PLCB1: variants seen among roughly 807,000 people sequenced by gnomAD.
The protein encoded by PLCB1 is phospholipase C beta 1, also known as 1-phosphatidylinositol 4,5-bisphosphate phosphodiesterase beta-1.
PLCB1 carries 46 observed loss-of-function variants against 161.8 expected under a neutral mutation model. That is an observed-to-expected ratio of 0.28 (90% confidence interval 0.22 to 0.36). PLCB1 has a LOEUF of 0.36. Among genes scored for constraint, PLCB1 ranks in the 10% least tolerant of loss-of-function variants. The pLI, the probability that PLCB1 is intolerant of heterozygous loss-of-function variation, is 1.00. For missense variants in PLCB1, 1,016 were observed against 1,472.5 expected (o/e 0.69, Z 5.07); for synonymous variants, 517 against 503.7 (o/e 1.03, Z -0.35).
rs8117945 is a variant in PLCB1 at position 8,553,820 on chromosome 20, G to A, written c.247-74474G>A. ...GTTCAAGACCATCCTAGCCAACGTG[G>A]TGAAACCCTGTCTCTACTAAAAATC... On this transcript the variant is annotated intron_variant, in intron 3 of 31. Coordinates refer to ENST00000338037, the MANE Select transcript of PLCB1 (RefSeq NM_015192.4). 4.4e-3 allele frequency among the ~76,000 whole-genome samples: 673 copies of A among 152,080 alleles called. 8 individuals carry two copies. The highest frequency in any genetic ancestry group is 0.014 in the African/African-American group (586 of 41,490).
intron 3 of PLCB1, among the ~76,000 whole-genome samples, chr20:8,547,008 C>A (rs1985577155): frequency 6.6e-6 from 1 of 152,126 alleles, no homozygotes. Flanking sequence ...CAAGGCTTGG[C>A]ATTAGTTAAC....
chr20:8,682,310 G>C (rs1207081823), intron 9 of PLCB1, among the ~76,000 whole-genome samples: 1 of 151,986 alleles, frequency 6.6e-6, no homozygotes, highest in Admixed American at 6.6e-5. Flanking sequence ...AGACCAGCCT[G>C]GGGAACATAG....
Position 8,225,114 on chromosome 20 carries a change from A to G in PLCB1, c.177+74743A>G, listed in dbSNP as rs537197281. On this transcript the variant is annotated intron_variant, in intron 2 of 31. Coordinates refer to ENST00000338037, the MANE Select transcript of PLCB1 (RefSeq NM_015192.4). Reference sequence around the variant, plus strand: ...CAAGGCAATGGATTATTTTCCCCAAACATCCTATCATTTCATCCATGAATA... The same window carrying G: ...CAAGGCAATGGATTATTTTCCCCAAGCATCCTATCATTTCATCCATGAATA... Among the ~76,000 whole-genome samples, 25 of 152,308 alleles carry G rather than the reference A, an allele frequency of 1.6e-4. No individual in the cohort carries two copies. In the South Asian group the frequency reaches 4.8e-3, roughly 29 times the overall value.
At chr20:8,292,249 T>G (rs183371766) in intron 2 of PLCB1, among the ~76,000 whole-genome samples, 6 of 152,212 alleles carry the variant, frequency 3.9e-5, no homozygotes, top group Admixed American at 2.6e-4. Context: ...AAAAAGCTTC[T>G]GCTTGCCTGC....
chr20:8,185,445 G>T (rs1469956166), intron 2 of PLCB1, among the ~76,000 whole-genome samples: 1 of 151,950 alleles, frequency 6.6e-6, no homozygotes, highest in African/African-American at 2.4e-5. Context: ...AGGTAGAGAA[G>T]GGAAAAAGAA....
chr20:8,698,125 G>A (rs563169472), intron 11 of PLCB1, among the ~76,000 whole-genome samples: 1 of 152,204 alleles, frequency 6.6e-6, no homozygotes, highest in African/African-American at 2.4e-5. Flanking sequence ...TTTAACTAAT[G>A]GCTATAAAGT....
At chr20:8,799,853 A>G (rs1009414931) in intron 31 of PLCB1, among the ~76,000 whole-genome samples, 5 of 152,204 alleles carry the variant, frequency 3.3e-5, no homozygotes, top group Non-Finnish European at 5.9e-5. Flanking sequence ...TAGGTTATTT[A>G]TAATACCTAC....
At chr20:8,733,784 T>TATAATAATAATA (rs199683575) in intron 19 of PLCB1, among the ~76,000 whole-genome samples, 36 of 139,298 alleles carry the variant, frequency 2.6e-4, no homozygotes, top group South Asian at 9.4e-4. Context: ...AAACTTAAAG[T>TATAATAATAATA]ATAATAATAA....
intron 3 of PLCB1, among the ~76,000 whole-genome samples, chr20:8,510,446 C>T (rs1253207473): frequency 1.4e-5 from 2 of 145,836 alleles, no homozygotes; most frequent in African/African-American, 2.6e-5. Flanking sequence ...AGTGCAGTGG[C>T]GCGATCTTGG....
chr20:8,869,224 T>C (rs1422469076), intron 31 of PLCB1, among the ~76,000 whole-genome samples: 3 of 152,160 alleles, frequency 2.0e-5, no homozygotes, highest in Non-Finnish European at 4.4e-5. Flanking sequence ...AGTTTTAGGG[T>C]ACATGTGCAC....
intron 31 of PLCB1, chr20:8,792,561 T>G (rs1324680194): frequency 4.2e-6 from 2 of 471,258 alleles, no homozygotes; most frequent in East Asian, 1.4e-4. Context: ...AGTAGTTCTA[T>G]TGTCTGCGTT....
chr20:8,840,514 A>G (rs1234396143), intron 31 of PLCB1, among the ~76,000 whole-genome samples: 3 of 152,174 alleles, frequency 2.0e-5, no homozygotes, highest in African/African-American at 4.8e-5. Context: ...ATGCCTGGCA[A>G]AGGTGGGACG....
intron 3 of PLCB1, among the ~76,000 whole-genome samples, chr20:8,485,090 G>C (rs890991241): frequency 1.3e-5 from 2 of 152,208 alleles, no homozygotes; most frequent in African/African-American, 4.8e-5. Flanking sequence ...GTATTGCCAG[G>C]AACCCCATCC....
intron 9 of PLCB1, among the ~76,000 whole-genome samples, chr20:8,662,611 C>G (rs933642078): frequency 1.4e-5 from 2 of 144,890 alleles, no homozygotes; most frequent in African/African-American, 5.0e-5. Flanking sequence ...AATCTAATAT[C>G]TATAATTAAT....
rs753226257 is a variant in PLCB1, at chr20:8,825,112, A to G, written c.3423+34851A>G. On this transcript the variant is annotated intron_variant, in intron 31 of 31. Transcript: ENST00000338037. ...TTCACACGTTTTTTGAATGTATTCA[A>G]TATGCCAGTGACCAAGTTCTGGAGA... Among the ~76,000 whole-genome samples the G allele has an allele frequency of 3.3e-5, 5 of 152,342 alleles. No individual in the cohort carries two copies. In the East Asian group the frequency reaches 5.8e-4, roughly 18 times the overall value.
At chr20:8,324,181 AG>A (rs2122169977) in intron 2 of PLCB1, among the ~76,000 whole-genome samples, 1 of 150,202 alleles carries the variant, frequency 6.7e-6, no homozygotes, top group African/African-American at 2.4e-5. Flanking sequence ...CCTAGTTCAC[AG>A]TCTCTAAACT....
chr20:8,421,015 C>G (rs988489334), intron 3 of PLCB1, among the ~76,000 whole-genome samples: 1 of 152,124 alleles, frequency 6.6e-6, no homozygotes. Flanking sequence ...AGTCATGTCT[C>G]TAGGAAGAGA....
chr20:8,278,261 TATAA>T (rs1982677078), intron 2 of PLCB1, among the ~76,000 whole-genome samples: 1 of 147,436 alleles, frequency 6.8e-6, no homozygotes, highest in Non-Finnish European at 1.5e-5. Context: ...CAATCATATA[TATAA>T]ATATATTATA....
At chr20:8,492,699 A>G (rs192006042) in intron 3 of PLCB1, among the ~76,000 whole-genome samples, 80 of 152,250 alleles carry the variant, frequency 5.3e-4, no homozygotes, top group African/African-American at 1.9e-3. Flanking sequence ...GTCAGGAACT[A>G]AGAGTATCTG....
Sources: gnomAD v4.1 joint callset for allele counts (sites outside exome capture counted in the v4.1 genomes callset) on GRCh38, gnomAD v4.1.1 for gene constraint, MANE v1.5 for transcripts, NCBI Gene and HGNC (gene_info 2026-07-23, HGNC 2026-07-21) for gene names.